The following BCOR variants were observed in gnomAD, a reference collection of about 807,000 sequenced individuals.
BCOR encodes the protein BCL6 corepressor, also known as BCL-6 corepressor.
Under a neutral mutation model 86.7 loss-of-function variants are expected in BCOR, and 10 were observed. The ratio of observed to expected loss-of-function variants is 0.12; its 90% confidence interval spans 0.07 to 0.20. BCOR has a LOEUF of 0.20. BCOR is among the 10% of genes least tolerant of loss of function. The pLI is 1.00. For synonymous variants in BCOR, 611 were observed against 609.0 expected (o/e 1.00, Z -0.05); for missense variants, 1,259 against 1,452.1 (o/e 0.87, Z 2.16).
intron 1 of BCOR, among the ~76,000 whole-genome samples, chrX:40,119,838 C>G (rs1937456233): frequency 9.1e-6 from 1 of 109,651 alleles, no homozygotes; most frequent in African/African-American, 3.3e-5. Context: ...AAAATAGAAA[C>G]TAAAAAAAAA....
rs1341463104 is a variant in BCOR at position 40,074,392 on chromosome X, G to A, written c.954C>T (p.Ala318=). 9 of 1,209,681 alleles carry A rather than the reference G, an allele frequency of 7.4e-6. No individual in the cohort carries two copies. The highest frequency in any genetic ancestry group is 1.0e-5 in the Non-Finnish European group (9 of 894,787). Residue 318 remains alanine, a synonymous_variant, in exon 4 of 15, where the codon GCC becomes GCT. Transcript: ENST00000378444. ...CCGGCAGGCCACTGGTGACCGCCTT[G>A]GCAGAGGGAACCCTGGGCTGCTTAC... is the stretch of plus-strand genomic sequence containing the variant. The part of the protein sequence containing the change: ...QNSKQPRVPS[A]KAVTSGLPGD...
intron 2 of BCOR, 129 bp from the exon 3 acceptor site, chrX:40,076,661 C>G (rs1935822277): frequency 2.0e-6 from 1 of 495,300 alleles, no homozygotes. Context: ...CCGCCCCCAC[C>G]AGCTGTCAAT....
At chrX:40,119,827 A>G (rs1937456160) in intron 1 of BCOR, among the ~76,000 whole-genome samples, 1 of 110,464 alleles carries the variant, frequency 9.1e-6, no homozygotes, top group South Asian at 3.9e-4. Flanking sequence ...CCAGAAAATA[A>G]AAAATAGAAA....
intron 1 of BCOR, among the ~76,000 whole-genome samples, chrX:40,129,499 A>G (rs1348229249): frequency 5.5e-5 from 6 of 109,106 alleles, no homozygotes; most frequent in Non-Finnish European, 9.5e-5. Flanking sequence ...AAAAAGAAGA[A>G]GAGGAAAAGC....
intron 1 of BCOR, among the ~76,000 whole-genome samples, chrX:40,154,604 C>T (rs1475184015): frequency 1.9e-5 from 2 of 108,054 alleles, no homozygotes; most frequent in African/African-American, 6.8e-5. Flanking sequence ...CACCTTTCTC[C>T]AGTTTCCAAA....
In BCOR at chrX:40,074,321, C is replaced by A; in HGVS notation, c.1025G>T (p.Arg342Leu). 8.3e-7 allele frequency: 1 copy of A among 1,211,645 alleles called. No homozygotes were observed. The highest frequency in any genetic ancestry group is 1.8e-5 in the South Asian group (1 of 56,947). ...AGCAGGCTGGGTGGGAAGGTGGACT[C>A]GGGGTGACGGCCGAGGCGAGGGGGG... Reference protein sequence around the residue: ...LLPPSPRPSPRVHLPTQPAAD... With the variant: ...LLPPSPRPSPLVHLPTQPAAD... The change falls in exon 4 of 15, where the codon CGA becomes CTA. Residue 342 changes from arginine to leucine, a missense_variant. Around this residue, in one of 7 missense-constraint regions of BCOR, gnomAD observed 534 missense variants for 594.8 expected, o/e 0.90. Coordinates refer to ENST00000378444, the MANE Select transcript of BCOR (RefSeq NM_001123385.2).
chrX:40,122,680 C>T (rs1937504011), intron 1 of BCOR, among the ~76,000 whole-genome samples: 1 of 112,063 alleles, frequency 8.9e-6, no homozygotes, highest in Non-Finnish European at 1.9e-5. Flanking sequence ...AGCCGCCACT[C>T]GGGGCGTTAA....
intron 10 of BCOR, among the ~76,000 whole-genome samples, chrX:40,058,987 G>C (rs2146949776): frequency 8.9e-6 from 1 of 112,262 alleles, no homozygotes; most frequent in South Asian, 3.7e-4. Flanking sequence ...GCTGTGCACA[G>C]ATCAATCTAC....
intron 1 of BCOR, among the ~76,000 whole-genome samples, chrX:40,150,157 C>T (rs189966653): frequency 1.8e-5 from 2 of 112,507 alleles, no homozygotes; most frequent in East Asian, 5.6e-4. Flanking sequence ...ATATACCTTA[C>T]CCTAAACAGA....
At chrX:40,121,505 C>T (rs764597340) in intron 1 of BCOR, among the ~76,000 whole-genome samples, 147 of 113,001 alleles carry the variant, frequency 1.3e-3, no homozygotes, top group Non-Finnish European at 4.5e-4. Context: ...GCAAATTTGG[C>T]AGTTGTTTAC....
chrX:40,149,838 C>T (rs1280236166), intron 1 of BCOR, among the ~76,000 whole-genome samples: 2 of 111,960 alleles, frequency 1.8e-5, no homozygotes, highest in African/African-American at 3.3e-5. Context: ...TCCGAATATG[C>T]TTTGCACAGT....
intron 1 of BCOR, among the ~76,000 whole-genome samples, chrX:40,136,331 G>A (rs1414260166): frequency 8.9e-6 from 1 of 111,888 alleles, no homozygotes; most frequent in Admixed American, 9.6e-5. Context: ...GCTTACTGAT[G>A]TTTTGAGGTG....
At chrX:40,143,220 CTG>C (rs745604370) in intron 1 of BCOR, among the ~76,000 whole-genome samples, 17 of 109,469 alleles carry the variant, frequency 1.6e-4, no homozygotes, top group Admixed American at 1.4e-3. Flanking sequence ...TGCTGTGTGT[CTG>C]TGTGTGTGTG....
Position 40,063,776 on chromosome X carries a change from C to G in BCOR, c.3679G>C (p.Gly1227Arg), listed in dbSNP as rs2147055970. Residue 1227 changes from glycine (G) to arginine (R), a missense_variant, in exon 8 of 15, where the codon GGC (glycine) becomes CGC (arginine). Physicochemically the swap from Gly to Arg is moderately radical, Grantham distance 125. Transcript: ENST00000378444. ...TTCCTGCTTTGCCGGCCAGGTTTGCCATCTGCTGCCGACACCTGCTGCTCC... is the reference window on the plus strand; with the variant it reads ...TTCCTGCTTTGCCGGCCAGGTTTGCGATCTGCTGCCGACACCTGCTGCTCC... ...RWEQQVSAAD[G>R]KPGRQSRKEV... The G allele has an allele frequency of 8.3e-7, 1 of 1,211,894 alleles. No individual in the cohort carries two copies. The highest frequency in any genetic ancestry group is 1.7e-5 in the African/African-American group (1 of 57,757).
intron 1 of BCOR, among the ~76,000 whole-genome samples, chrX:40,127,901 TAAATAAA>T (rs1441048861): frequency 5.1e-4 from 53 of 103,062 alleles, no homozygotes; most frequent in East Asian, 2.0e-3. Flanking sequence ...AATAAATAAA[TAAATAAA>T]TTTAAAAAAA....
chrX:40,067,710 A>G (rs966954467), intron 6 of BCOR, among the ~76,000 whole-genome samples: 8 of 111,512 alleles, frequency 7.2e-5, no homozygotes, highest in Admixed American at 2.9e-4. Flanking sequence ...CCCCTCAGTG[A>G]AGGCCCCCAA....
At chrX:40,068,884 C>T (rs1014626615) in intron 6 of BCOR, among the ~76,000 whole-genome samples, 5 of 113,269 alleles carry the variant, frequency 4.4e-5, no homozygotes, top group East Asian at 2.8e-4. Context: ...TGCACCCACA[C>T]GCAGGCAGCT....
intron 7 of BCOR, among the ~76,000 whole-genome samples, 154 bp from the exon 8 acceptor site, chrX:40,064,106 C>CT (rs1473453332): frequency 1.8e-5 from 2 of 109,047 alleles, no homozygotes; most frequent in East Asian, 2.9e-4. Flanking sequence ...TGGGTTCTGG[C>CT]TTTGGGGGAG....
At position 40,074,965 on chromosome X, in the gene BCOR, A is replaced by G. The variant is rs1935721992; in HGVS notation, c.381T>C (p.Asn127=). The change falls in exon 4 of 15, where the codon AAT becomes AAC. Residue 127 remains asparagine, a synonymous_variant. Coordinates refer to ENST00000378444, the MANE Select transcript of BCOR (RefSeq NM_001123385.2). ...CAGAAGCCTCCACTGTCTCGGGTGTATTCGGTTTGAACTGCATCTCTGGAT... is the reference window on the plus strand; with the variant it reads ...CAGAAGCCTCCACTGTCTCGGGTGTGTTCGGTTTGAACTGCATCTCTGGAT... The part of the protein sequence containing the change: ...ERNPEMQFKP[N]TPETVEASAV... 5 of 1,208,667 alleles carry G rather than the reference A, an allele frequency of 4.1e-6. No individual in the cohort carries two copies. The highest frequency in any genetic ancestry group is 3.4e-6 in the Non-Finnish European group (3 of 894,785).
Sources: allele counts gnomAD v4.1 joint callset (sites outside exome capture counted in the v4.1 genomes callset), GRCh38; gene constraint gnomAD v4.1.1; regional missense constraint gnomAD v4.1.1; transcripts MANE v1.5; gene names NCBI Gene and HGNC (gene_info 2026-07-23, HGNC 2026-07-21).